The following ZPBP variants were observed in gnomAD, a reference collection of about 807,000 sequenced individuals.
The protein encoded by ZPBP is zona pellucida-binding protein 1.
ZPBP carries 26 observed loss-of-function variants against 44.8 expected under a neutral mutation model. The ratio of observed to expected loss-of-function variants is 0.58; its 90% CI spans 0.43 to 0.81. The LOEUF (loss-of-function observed/expected upper bound fraction) is 0.81. Ranked by LOEUF, ZPBP falls within the 30% of genes least tolerant of loss-of-function variation. The probability of loss-of-function intolerance (pLI) is 0.00; values close to 1 mark genes in which losing one functional copy is unlikely to be tolerated. For synonymous variants in ZPBP, 174 were observed against 153.2 expected (o/e 1.14, Z -1.00); for missense variants, 409 against 434.0 (o/e 0.94, Z 0.51).
intron 1 of ZPBP, among the ~76,000 whole-genome samples, chr7:49,924,646 ACT>A (rs1288491262): frequency 6.6e-6 from 1 of 152,030 alleles, no homozygotes; most frequent in Non-Finnish European, 1.5e-5. Flanking sequence ...GTCACTAGAG[ACT>A]CTGCAGTGTT....
At chr7:50,088,762 T>C (rs1257670162) in intron 2 of ZPBP, among the ~76,000 whole-genome samples, 1 of 151,952 alleles carries the variant, frequency 6.6e-6, no homozygotes, top group African/African-American at 2.4e-5. Flanking sequence ...ATAATAACAA[T>C]GTTTAGGATA....
intron 3 of ZPBP, among the ~76,000 whole-genome samples, chr7:50,069,455 A>G (rs566260644): frequency 2.0e-4 from 30 of 152,246 alleles, no homozygotes; most frequent in African/African-American, 7.2e-4. Flanking sequence ...GGCTGCATTC[A>G]TTTAGTCATG....
At chr7:49,943,572 G>A (rs1260054279) in intron 7 of ZPBP, 2 of 378,430 alleles carry the variant, frequency 5.3e-6, no homozygotes, top group Non-Finnish European at 1.0e-5. Flanking sequence ...TGCGAAAGGG[G>A]TCAGTAAGAC....
chr7:49,938,519 CAAT>C (rs1451757014), intron 7 of ZPBP, among the ~76,000 whole-genome samples: 5 of 152,114 alleles, frequency 3.3e-5, no homozygotes, highest in Non-Finnish European at 5.9e-5. Context: ...AGGTGCAATA[CAAT>C]AATAACCAAT....
At chr7:49,901,770 T>A (rs1792742992) in intron 1 of ZPBP, among the ~76,000 whole-genome samples, 1 of 147,508 alleles carries the variant, frequency 6.8e-6, no homozygotes, top group Non-Finnish European at 1.5e-5. Flanking sequence ...GAACTTAATA[T>A]AAAGCAATGG....
chr7:50,025,626 A>G (rs1799286917), intron 5 of ZPBP, among the ~76,000 whole-genome samples: 1 of 151,872 alleles, frequency 6.6e-6, no homozygotes, highest in African/African-American at 2.4e-5. Context: ...AATTAACTTC[A>G]TAATATAATC....
intron 7 of ZPBP, among the ~76,000 whole-genome samples, chr7:49,960,618 C>T (rs1262111301): frequency 6.6e-6 from 1 of 152,048 alleles, no homozygotes; most frequent in Non-Finnish European, 1.5e-5. Context: ...GGACTTTTGT[C>T]CATACTATTG....
chr7:49,991,529 C>T (rs80122854), intron 6 of ZPBP, among the ~76,000 whole-genome samples: 4,941 of 152,168 alleles, frequency 0.032, 114 homozygotes, highest in Middle Eastern at 0.058. Flanking sequence ...TTTGCAATGT[C>T]GGGACAACTT....
chr7:49,945,316 T>C (rs1294388069), intron 7 of ZPBP, among the ~76,000 whole-genome samples: 1 of 152,204 alleles, frequency 6.6e-6, no homozygotes, highest in Non-Finnish European at 1.5e-5. Context: ...ATGTGTATTC[T>C]GCAACTGTGG....
chr7:49,902,084 G>A (rs972596681), intron 1 of ZPBP, among the ~76,000 whole-genome samples: 13 of 151,858 alleles, frequency 8.6e-5, no homozygotes, highest in East Asian at 5.8e-4. Flanking sequence ...CATAAAAGTC[G>A]TAGAAGATCA....
intron 1 of ZPBP, among the ~76,000 whole-genome samples, chr7:49,930,439 CATA>C (rs1407436928): frequency 6.6e-6 from 1 of 152,078 alleles, no homozygotes; most frequent in Non-Finnish European, 1.5e-5. Flanking sequence ...AAACCTTTCA[CATA>C]ATAAACACTC....
At chr7:50,061,813 G>A (rs553780176) in intron 3 of ZPBP, among the ~76,000 whole-genome samples, 16 of 152,286 alleles carry the variant, frequency 1.1e-4, no homozygotes, top group East Asian at 3.9e-4. Flanking sequence ...AGAATCGCTC[G>A]AACCTGAGAG....
chr7:49,907,906 C>T (rs561361173), intron 1 of ZPBP, among the ~76,000 whole-genome samples: 4 of 152,070 alleles, frequency 2.6e-5, no homozygotes, highest in Non-Finnish European at 5.9e-5. Context: ...TCCAGTAGCA[C>T]GCTTCAGAGC....
At chr7:49,936,829 A>AT (rs1212677829), downstream of ZPBP, among the ~76,000 whole-genome samples, 1 of 152,034 alleles carries the variant, frequency 6.6e-6, no homozygotes, top group Non-Finnish European at 1.5e-5. Context: ...ATTGTTGATT[A>AT]TTTTTTCTAG....
At chr7:49,963,044 C>T (rs753871324) in intron 7 of ZPBP, among the ~76,000 whole-genome samples, 10 of 150,798 alleles carry the variant, frequency 6.6e-5, no homozygotes, top group Non-Finnish European at 5.9e-5. Context: ...TAAAAAGATA[C>T]AGGAAAGGAT....
At chr7:49,898,151 ATATG>A (rs1385933058) in intron 2 of ZPBP, among the ~76,000 whole-genome samples, 1 of 151,936 alleles carries the variant, frequency 6.6e-6, no homozygotes, top group Non-Finnish European at 1.5e-5. Flanking sequence ...GTGTGTATAT[ATATG>A]TGTATGCTTT....
At chr7:49,969,636 T>A (rs12111650) in intron 7 of ZPBP, among the ~76,000 whole-genome samples, 4,356 of 151,762 alleles carry the variant, frequency 0.029, 231 homozygotes, top group African/African-American at 0.1. Context: ...TAGAAAAGTA[T>A]GAGAAAAGAA....
intron 6 of ZPBP, among the ~76,000 whole-genome samples, chr7:50,006,207 T>A (rs1174063681): frequency 6.6e-6 from 1 of 151,840 alleles, no homozygotes; most frequent in Non-Finnish European, 1.5e-5. Flanking sequence ...CTTTTAGTAA[T>A]GGACAGAACA....
intron 2 of ZPBP, among the ~76,000 whole-genome samples, chr7:49,877,481 A>AAAAAAAAATATACATATAT: frequency 1.6e-4 from 2 of 12,720 alleles, no homozygotes; most frequent in Non-Finnish European, 1.4e-4. Flanking sequence ...AAAAAAAAAA[A>AAAAAAAAATATACATATAT]ATATATATAT....
Sources: gnomAD v4.1 joint callset for allele counts (sites outside exome capture counted in the v4.1 genomes callset) on GRCh38, gnomAD v4.1.1 for gene constraint, MANE v1.5 for transcripts, NCBI Gene and HGNC (gene_info 2026-07-23, HGNC 2026-07-21) for gene names.